Variants in RBM20 observed in about 807,000 individuals in gnomAD.
RBM20 encodes RNA binding motif protein 20.
A neutral mutation model predicts 110.1 loss-of-function variants in RBM20; 51 were observed. That is an observed-to-expected ratio of 0.46 (90% CI 0.37 to 0.59). The LOEUF is 0.59. RBM20 is among the 20% of genes least tolerant of loss of function. The pLI is 0.00. For missense variants in RBM20, 1,512 were observed against 1,574.9 expected (o/e 0.96, Z 0.68); for synonymous variants, 589 against 618.2 (o/e 0.95, Z 0.70).
intron 5 of RBM20, among the ~76,000 whole-genome samples, chr10:110,789,135 C>T (rs1844454476): frequency 6.6e-6 from 1 of 152,222 alleles, no homozygotes; most frequent in Non-Finnish European, 1.5e-5. Flanking sequence ...CAGGATCCTG[C>T]CACTGTCTGA....
At chr10:110,661,480 C>T (rs560925194) in intron 1 of RBM20, among the ~76,000 whole-genome samples, 12 of 152,300 alleles carry the variant, frequency 7.9e-5, no homozygotes, top group Middle Eastern at 3.4e-3. Context: ...TTGGAACAAC[C>T]GTGTGTCCAG....
chr10:110,834,408 C>T lies in RBM20; in HGVS notation c.3574-1460C>T, dbSNP rs555996749. ...CCTGGTCATCTCACACACACCCTCT[C>T]ATCTGACCCACACACCACCCCAGAA... On this transcript the variant is annotated intron_variant, in intron 13 of 13. Coordinates refer to ENST00000369519, the MANE Select transcript of RBM20 (RefSeq NM_001134363.3). Among the ~76,000 whole-genome samples, 252 of 152,322 alleles carry T rather than the reference C, an allele frequency of 1.7e-3. 1 individual carries two copies. The highest frequency in any genetic ancestry group is 5.8e-3 in the African/African-American group (242 of 41,578).
At chr10:110,801,700 C>CT (rs61281177) in intron 7 of RBM20, among the ~76,000 whole-genome samples, 52,805 of 116,464 alleles carry the variant, frequency 0.45, 13,049 homozygotes, top group South Asian at 0.61. Context: ...TGCCTGGCTA[C>CT]TTTTTTTTTT....
At chr10:110,777,623 T>C (rs947931156) in intron 1 of RBM20, among the ~76,000 whole-genome samples, 6 of 152,224 alleles carry the variant, frequency 3.9e-5, no homozygotes, top group Admixed American at 3.9e-4. Context: ...TTAACGTCTG[T>C]AACCTGGGCC....
intron 1 of RBM20, among the ~76,000 whole-genome samples, chr10:110,656,560 C>G (rs145690099): frequency 6.6e-6 from 1 of 152,206 alleles, no homozygotes; most frequent in Non-Finnish European, 1.5e-5. Flanking sequence ...ACCATCACCA[C>G]TCTCCAGTAC....
intron 1 of RBM20, among the ~76,000 whole-genome samples, chr10:110,662,135 G>C (rs184257122): frequency 1.9e-4 from 29 of 152,244 alleles, no homozygotes; most frequent in South Asian, 1.2e-3. Flanking sequence ...GCCAGCACTT[G>C]AATGGTACCA....
At chr10:110,668,141 T>A (rs928708553) in intron 1 of RBM20, among the ~76,000 whole-genome samples, 3 of 152,170 alleles carry the variant, frequency 2.0e-5, no homozygotes, top group African/African-American at 7.2e-5. Flanking sequence ...AAGTTTAGCA[T>A]ATGAATGTGA....
rs151262527 is a variant in RBM20 at position 110,823,243 on chromosome 10, C to G, written c.3317-237C>G. Among the ~76,000 whole-genome samples the G allele has an allele frequency of 7.5e-4, 114 of 152,208 alleles. 1 individual carries two copies. The highest frequency in any genetic ancestry group is 2.6e-3 in the African/African-American group (110 of 41,528). ...GCAGCCCATCCCCCTGGGCCAAATGCAAACATTTGCCAAGTTTTATTGTGT... is the reference window on the plus strand; with the variant it reads ...GCAGCCCATCCCCCTGGGCCAAATGGAAACATTTGCCAAGTTTTATTGTGT... On this transcript the variant is annotated intron_variant, in intron 11 of 13. Transcript: ENST00000369519.
intron 1 of RBM20, among the ~76,000 whole-genome samples, chr10:110,711,687 C>T (rs1012577039): frequency 6.6e-6 from 1 of 152,176 alleles, no homozygotes; most frequent in African/African-American, 2.4e-5. Context: ...CTGAGACTGC[C>T]GCATAAGCCA....
Position 110,781,395 on chromosome 10 carries a change from C to A in RBM20, c.786C>A (p.Thr262=). The stretch of plus-strand genomic sequence containing the variant: ...CGGCCTCAACCTCGGGCAGTGTGAC[C>A]TATGAAGGGCACTACAGCCACACAG... ...PSSASTSGSV[T]YEGHYSHTGQ... The change falls in exon 2 of 14, where the codon ACC becomes ACA. Residue 262 remains threonine (T), a synonymous_variant. Coordinates refer to ENST00000369519, the MANE Select transcript of RBM20 (RefSeq NM_001134363.3). 1 of 1,551,688 alleles carries A rather than the reference C, an allele frequency of 6.4e-7. No homozygotes were observed. The highest frequency in any genetic ancestry group is 8.7e-7 in the Non-Finnish European group (1 of 1,147,006).
At chr10:110,680,644 C>T (rs11592563) in intron 1 of RBM20, among the ~76,000 whole-genome samples, 26,107 of 152,136 alleles carry the variant, frequency 0.17, 2,509 homozygotes, top group East Asian at 0.32. Flanking sequence ...TGCGCTGTCA[C>T]GCAATGCGTG....
chr10:110,831,344 G>T, intron 13 of RBM20, 162 bp downstream of exon 13: 1 of 625,396 alleles, frequency 1.6e-6, no homozygotes, highest in Non-Finnish European at 2.7e-6. Context: ...AGCACACCAG[G>T]CTGTTTTCTG....
intron 1 of RBM20, among the ~76,000 whole-genome samples, chr10:110,751,471 A>G (rs891146293): frequency 1.3e-5 from 2 of 152,242 alleles, no homozygotes; most frequent in Admixed American, 6.5e-5. Flanking sequence ...CTAAGTCACT[A>G]TATTTCCTAA....
At chr10:110,656,960 T>A (rs1380668140) in intron 1 of RBM20, among the ~76,000 whole-genome samples, 1 of 152,160 alleles carries the variant, frequency 6.6e-6, no homozygotes, top group Non-Finnish European at 1.5e-5. Flanking sequence ...TGTTTGAACA[T>A]CTGTTTTTGG....
At position 110,760,425 on chromosome 10, in the gene RBM20, C is replaced by CTTTTTTTTT. The variant is rs541027608; in HGVS notation, c.192-20356_192-20348dup. Among the ~76,000 whole-genome samples, 171 of 57,872 alleles carry CTTTTTTTTT rather than the reference C, an allele frequency of 3.0e-3. 19 individuals are homozygous for CTTTTTTTTT. Among genetic ancestry groups the CTTTTTTTTT allele is most frequent in the Non-Finnish European group, 3.7e-3 (119 of 32,550 alleles). The allele number at this position is 57,872 out of a possible 152,430, so 38.0% of individuals were successfully genotyped here. On this transcript the variant is annotated intron_variant, in intron 1 of 13. Coordinates refer to ENST00000369519, the MANE Select transcript of RBM20 (RefSeq NM_001134363.3). ...TATTAGCCCAGCTGAATTCCATCAT[C>CTTTTTTTTT]TTTTTTTTTTTTTTTTTTTTTTTTT... is the stretch of plus-strand genomic sequence containing the variant.
intron 1 of RBM20, among the ~76,000 whole-genome samples, chr10:110,746,981 A>T (rs558938990): frequency 6.6e-6 from 1 of 152,186 alleles, no homozygotes; most frequent in Non-Finnish European, 1.5e-5. Context: ...AGTTGTTTGT[A>T]TAACAGTGTC....
chr10:110,737,873 C>T (rs1234487863), intron 1 of RBM20, among the ~76,000 whole-genome samples: 2 of 152,114 alleles, frequency 1.3e-5, no homozygotes, highest in Non-Finnish European at 2.9e-5. Context: ...ACATTTTTTA[C>T]GTGTCTTTTG....
At chr10:110,740,797 G>T (rs1429992884) in intron 1 of RBM20, among the ~76,000 whole-genome samples, 1 of 152,050 alleles carries the variant, frequency 6.6e-6, no homozygotes, top group Non-Finnish European at 1.5e-5. Flanking sequence ...CGTTCTAGGG[G>T]GTGTTGTCCA....
At chr10:110,821,155 A>G (rs918476110) in intron 10 of RBM20, 120 bp from the exon 11 acceptor site, 1 of 794,914 alleles carries the variant, frequency 1.3e-6, no homozygotes, top group Non-Finnish European at 2.0e-6. Flanking sequence ...TAATTGTACC[A>G]GGTAGAGGTA....
Sources: gnomAD v4.1 joint callset for allele counts (sites outside exome capture counted in the v4.1 genomes callset) on GRCh38, gnomAD v4.1.1 for gene constraint, MANE v1.5 for transcripts, NCBI Gene and HGNC (gene_info 2026-07-23, HGNC 2026-07-21) for gene names.